Variants in GPR162 observed in about 807,000 individuals in gnomAD.
GPR162 encodes G protein-coupled receptor 162.
In GPR162, 26 loss-of-function variants were observed where a neutral mutation model predicts 44.9. That is an observed-to-expected ratio of 0.58 (90% CI 0.42 to 0.80). The LOEUF is 0.80. Ranked by LOEUF, GPR162 falls within the 30% of genes least tolerant of loss-of-function variation. GPR162 has a pLI of 0.00. For missense variants in GPR162, 704 were observed against 802.3 expected (o/e 0.88, Z 1.48); for synonymous variants, 363 against 335.2 (o/e 1.08, Z -0.91).
chr12:6,825,650 T>A lies in GPR162; in HGVS notation c.1034T>A (p.Met345Lys). 1 of 1,577,024 alleles carries A rather than the reference T, an allele frequency of 6.3e-7. No individual in the cohort carries two copies. Among genetic ancestry groups the A allele is most frequent in the Non-Finnish European group, 8.6e-7 (1 of 1,160,868 alleles). ...GTGTGGGAGCAATGCGTGGCCATCA[T>A]GTCTGAGGAGGATGGAGATGACGGT... The part of the protein sequence containing the change: ...RTVWEQCVAI[M>K]SEEDGDDDGG... Residue 345 changes from methionine (M) to lysine (K), a missense_variant, in exon 3 of 5, where the codon ATG becomes AAG. Around this residue, in one of 6 missense-constraint regions of GPR162, gnomAD observed 92 missense variants for 156.5 expected, o/e 0.59. Transcript: ENST00000311268.
At position 6,824,719 on chromosome 12, in the gene GPR162, G is replaced by A; in HGVS notation, c.821G>A (p.Ser274Asn). 6.2e-7 allele frequency: 1 copy of A among 1,613,924 alleles called. No individual in the cohort carries two copies. Among genetic ancestry groups the A allele is most frequent in the Non-Finnish European group, 8.5e-7 (1 of 1,180,010 alleles). The change falls in exon 2 of 5, where the codon AGC becomes AAC. Residue 274 changes from serine (S) to asparagine (N), a missense_variant. Coordinates refer to ENST00000311268, the MANE Select transcript of GPR162 (RefSeq NM_019858.2). ...TCCCTGCAGGTCACCAACTTGGTCA[G>A]CGCCATCGTCTTTCTCTATGACTCA... The part of the protein sequence containing the change: ...KTSLQVTNLV[S>N]AIVFLYDSLT...
intron 4 of GPR162, 91 bp downstream of exon 4, chr12:6,826,444 G>A (rs1943357276): frequency 3.0e-6 from 4 of 1,320,500 alleles, no homozygotes; most frequent in Non-Finnish European, 3.1e-6. Context: ...CTCTTCCCTA[G>A]CCCTGGCTTT....
Position 6,827,168 on chromosome 12 carries a change from C to A in GPR162, c.1731C>A (p.Gly577=). ...CAAGGGCTTGGGGAGGATCCTGGGG[C>A]CCAGGCAACCCCATCTTTCCCCAGC... ...ESARAWGGSW[G]PGNPIFPQLT... The change falls in exon 5 of 5, where the codon GGC becomes GGA. Residue 577 remains glycine, a synonymous_variant. Coordinates refer to ENST00000311268, the MANE Select transcript of GPR162 (RefSeq NM_019858.2). The A allele has an allele frequency of 6.2e-7, 1 of 1,611,588 alleles. No individual in the cohort carries two copies.
chr12:6,824,152 G>A lies in GPR162; in HGVS notation c.254G>A (p.Trp85Ter). 1 of 1,613,984 alleles carries A rather than the reference G, an allele frequency of 6.2e-7. No homozygotes were observed. Among genetic ancestry groups the A allele is most frequent in the Non-Finnish European group, 8.5e-7 (1 of 1,180,026 alleles). Residue 85 changes from tryptophan (W) to a stop codon, truncating the protein, a stop_gained, in exon 2 of 5, where the codon TGG (tryptophan) becomes TAG (stop). Coordinates refer to ENST00000311268, the MANE Select transcript of GPR162 (RefSeq NM_019858.2). LOFTEE classifies it high-confidence loss of function. Reference sequence around the variant, plus strand: ...CGTCAGGCTTCCTCCGACTATGACTGGAACGAGAGTATCTGCAAGGTCTTC... The same window carrying A: ...CGTCAGGCTTCCTCCGACTATGACTAGAACGAGAGTATCTGCAAGGTCTTC... ...LRRQASSDYD[W>*]NESICKVFVS...
chr12:6,826,822 T>C lies in GPR162; in HGVS notation c.1385T>C (p.Leu462Ser). The C allele has an allele frequency of 1.2e-6, 2 of 1,610,316 alleles. No individual in the cohort carries two copies. Among genetic ancestry groups the C allele is most frequent in the East Asian group, 2.2e-5 (1 of 44,844 alleles). ...PPEYLGQRHR[L>S]EDEEDEEEAE... ...GAGTACCTGGGACAAAGACACAGGT[T>C]GGAGGACGAGGAGGACGAGGAAGAG... The change falls in exon 5 of 5, where the codon TTG (leucine) becomes TCG (serine). Residue 462 changes from leucine to serine, a missense_variant. Around this residue, in one of 6 missense-constraint regions of GPR162, gnomAD observed 404 missense variants for 314.1 expected, o/e 1.29. Transcript: ENST00000311268.
intron 4 of GPR162, 69 bp downstream of exon 4, chr12:6,826,422 C>A: frequency 7.1e-7 from 1 of 1,415,190 alleles, no homozygotes; most frequent in Non-Finnish European, 9.6e-7. Flanking sequence ...GTCTGTTAGG[C>A]ACCCCAATCC....
At position 6,824,257 on chromosome 12, in the gene GPR162, G is replaced by A. The variant is rs1387698796; in HGVS notation, c.359G>A (p.Arg120His). ...TCCTACCATCGCATGTGGATGGTGC[G>A]CTGGCCCGTCAACTACCGCCTCAGC... Reference protein sequence around the residue: ...SLSYHRMWMVRWPVNYRLSNA... With the variant: ...SLSYHRMWMVHWPVNYRLSNA... Residue 120 changes from arginine to histidine, a missense_variant, in exon 2 of 5, where the codon CGC (arginine) becomes CAC (histidine). Arg to His is a conservative substitution (Grantham distance 29, BLOSUM62 0). Coordinates refer to ENST00000311268, the MANE Select transcript of GPR162 (RefSeq NM_019858.2). The A allele has an allele frequency of 6.2e-7, 1 of 1,613,970 alleles. No homozygotes were observed. Among genetic ancestry groups the A allele is most frequent in the Non-Finnish European group, 8.5e-7 (1 of 1,180,038 alleles).
In GPR162 at chr12:6,826,755, C is replaced by A. The variant is rs781988790; in HGVS notation, c.1318C>A (p.Arg440=). 1 of 1,604,688 alleles carries A rather than the reference C, an allele frequency of 6.2e-7. No homozygotes were observed. Among genetic ancestry groups the A allele is most frequent in the Non-Finnish European group, 8.5e-7 (1 of 1,175,766 alleles). The change falls in exon 5 of 5, where the codon CGG becomes AGG. Residue 440 remains arginine, a synonymous_variant. Transcript: ENST00000311268. ...LHKWSSSDDI[R]VLPAQSRALG... The stretch of plus-strand genomic sequence containing the variant: ...CAAGTGGTCATCCTCTGATGACATC[C>A]GGGTCCTCCCAGCCCAGAGCCGGGC...
Position 6,822,295 on chromosome 12 carries a change from T to G in GPR162, c.-432+395T>G, listed in dbSNP as rs1555119317. On this transcript the variant is annotated intron_variant, in intron 1 of 4. Transcript: ENST00000311268. The surrounding 1 kb of genome is among the most constrained non-coding windows in gnomAD (Gnocchi z 4.2). ...AGGAGAGGACACTGGGGGCTGCTCT[T>G]GGCCAAGTCCCTCCACCTCCCTCTG... Among the ~76,000 whole-genome samples the G allele has an allele frequency of 6.6e-6, 1 of 152,144 alleles. No homozygotes were observed. The highest frequency in any genetic ancestry group is 1.5e-5 in the Non-Finnish European group (1 of 68,014).
In GPR162 at chr12:6,824,573, C is replaced by T. The variant is rs781933907; in HGVS notation, c.675C>T (p.Thr225=). 1 of 1,602,396 alleles carries T rather than the reference C, an allele frequency of 6.2e-7. No homozygotes were observed. Among genetic ancestry groups the T allele is most frequent in the South Asian group, 1.1e-5 (1 of 89,518 alleles). The change falls in exon 2 of 5, where the codon ACC becomes ACT. Residue 225 remains threonine, a synonymous_variant. Transcript: ENST00000311268. ...QARRVGGGGG[T]KAGGPGALGT... is the part of the protein sequence containing the mutation. Reference sequence around the variant, plus strand: ...GGAGAGTGGGGGGTGGTGGGGGGACCAAAGCGGGTGGGCCAGGGGCCTTGG... The same window carrying T: ...GGAGAGTGGGGGGTGGTGGGGGGACTAAAGCGGGTGGGCCAGGGGCCTTGG...
chr12:6,825,297 C>T (rs113427253), intron 2 of GPR162, 187 bp from the exon 3 acceptor site: 7,276 of 600,622 alleles, frequency 0.012, 61 homozygotes, highest in Non-Finnish European at 0.015. Context: ...CAGCACTCTC[C>T]CCGACCTTCC....
chr12:6,824,302 T>A lies in GPR162; in HGVS notation c.404T>A (p.Leu135Gln), dbSNP rs1943322385. ...CTCAGCAACGCCAAGAAGCAGGCAC[T>A]GCATGCCGTCATGGGCATCTGGATG... Reference protein sequence around the residue: ...YRLSNAKKQALHAVMGIWMVS... With the variant: ...YRLSNAKKQAQHAVMGIWMVS... The change falls in exon 2 of 5, where the codon CTG becomes CAG. Residue 135 changes from leucine to glutamine, a missense_variant. By Grantham distance (113) the Leu-to-Gln change is moderately radical. Transcript: ENST00000311268. The A allele has an allele frequency of 6.2e-7, 1 of 1,613,958 alleles. No individual in the cohort carries two copies. Among genetic ancestry groups the A allele is most frequent in the Non-Finnish European group, 8.5e-7 (1 of 1,179,984 alleles).
chr12:6,825,767 T>G (rs987707355), intron 3 of GPR162, 94 bp downstream of exon 3: 1 of 1,094,720 alleles, frequency 9.1e-7, no homozygotes, highest in Non-Finnish European at 1.3e-6. Context: ...TGCCCTGGAG[T>G]GCCCCCTACT....
intron 3 of GPR162, 149 bp from the exon 4 acceptor site, chr12:6,826,047 C>T (rs190524964): frequency 1.3e-4 from 81 of 643,542 alleles, no homozygotes; most frequent in East Asian, 7.1e-4. Flanking sequence ...TAGCACTGAA[C>T]GCAGCAAATG....
At position 6,824,743 on chromosome 12, in the gene GPR162, C is replaced by A. The variant is rs1459088511; in HGVS notation, c.845C>A (p.Ser282Ter). ...LVSAIVFLYD[S>*]LTGVPILVVS... ...AGCGCCATCGTCTTTCTCTATGACT[C>A]ACTCACAGGGGTGCCCATCTTGGTG... is the stretch of plus-strand genomic sequence containing the variant. Residue 282 changes from serine to a stop codon, truncating the protein, a stop_gained, in exon 2 of 5, where the codon TCA becomes TAA. Coordinates refer to ENST00000311268, the MANE Select transcript of GPR162 (RefSeq NM_019858.2). LOFTEE classifies it high-confidence loss of function. 1 of 1,613,278 alleles carries A rather than the reference C, an allele frequency of 6.2e-7. No homozygotes were observed. Among genetic ancestry groups the A allele is most frequent in the Non-Finnish European group, 8.5e-7 (1 of 1,179,940 alleles).
chr12:6,823,641 G>A lies in GPR162; in HGVS notation c.-258G>A. ...GCTTGCCTGCCCCATCAATTGCAGG[G>A]ATGCTTAAGGAAGGCCCCGCCCAGT... is the stretch of plus-strand genomic sequence containing the variant. On this transcript the variant is annotated 5_prime_UTR_variant, in exon 2 of 5. Transcript: ENST00000311268. 9.3e-6 allele frequency: 8 copies of A among 861,998 alleles called. No individual in the cohort carries two copies. The highest frequency in any genetic ancestry group is 2.7e-4 in the Middle Eastern group (1 of 3,690). The allele number at this position is 861,998 out of a possible 1,614,324, so 53.4% of individuals were successfully genotyped here. A position where few individuals can be genotyped will look rare whatever the true frequency, so the allele number is the denominator to read the frequency against.
chr12:6,825,642 G>C lies in GPR162; in HGVS notation c.1026G>C (p.Val342=). ...TGCGCACAGTGTGGGAGCAATGCGT[G>C]GCCATCATGTCTGAGGAGGATGGAG... ...ADVRTVWEQC[V]AIMSEEDGDD... is the part of the protein sequence containing the mutation. Residue 342 remains valine (V), a synonymous_variant, in exon 3 of 5, where the codon GTG becomes GTC. Transcript: ENST00000311268. 2 of 1,581,004 alleles carry C rather than the reference G, an allele frequency of 1.3e-6. No individual in the cohort carries two copies. Among genetic ancestry groups the C allele is most frequent in the East Asian group, 4.7e-5 (2 of 42,958 alleles).
In GPR162 at chr12:6,827,180, C is replaced by T. The variant is rs1487068974; in HGVS notation, c.1743C>T (p.Pro581=). 6.2e-7 allele frequency: 1 copy of T among 1,610,324 alleles called. No homozygotes were observed. Among genetic ancestry groups the T allele is most frequent in the Non-Finnish European group, 8.5e-7 (1 of 1,178,524 alleles). ...AWGGSWGPGN[P]IFPQLTL is the part of the protein sequence containing the mutation. ...GAGGATCCTGGGGCCCAGGCAACCC[C>T]ATCTTTCCCCAGCTGACCCTGTGAG... is the stretch of plus-strand genomic sequence containing the variant. The change falls in exon 5 of 5, where the codon CCC becomes CCT. Residue 581 remains proline (P), a synonymous_variant. Transcript: ENST00000311268.
At position 6,822,084 on chromosome 12, in the gene GPR162, C is replaced by A. The variant is rs1943288773; in HGVS notation, c.-432+184C>A. Among the ~76,000 whole-genome samples the A allele has an allele frequency of 1.3e-5, 2 of 152,192 alleles. No homozygotes were observed. Among genetic ancestry groups the A allele is most frequent in the Admixed American group, 1.3e-4 (2 of 15,282 alleles). On this transcript the variant is annotated intron_variant, in intron 1 of 4. Transcript: ENST00000311268. This position sits in a 1 kb window ranked among gnomAD's most constrained non-coding sequence, Gnocchi z 4.2. ...CCTTCACCCCAAAGGGCGAGGGACC[C>A]CGTCGGCCAGGGAACCTCCCAGATC...
Sources: allele counts gnomAD v4.1 joint callset (sites outside exome capture counted in the v4.1 genomes callset), GRCh38; gene constraint gnomAD v4.1.1; regional missense constraint gnomAD v4.1.1; non-coding constraint Gnocchi (gnomAD v3.1); transcripts MANE v1.5; gene names NCBI Gene and HGNC (gene_info 2026-07-23, HGNC 2026-07-21).